Variants in TMEM232 observed in about 807,000 individuals in gnomAD.
TMEM232 encodes transmembrane protein 232.
A neutral mutation model predicts 78.8 loss-of-function variants in TMEM232; 80 were observed. The ratio of observed to expected loss-of-function variants is 1.01; its 90% CI spans 0.85 to 1.22. The LOEUF (loss-of-function observed/expected upper bound fraction) is 1.22, where lower values mean the gene tolerates loss of function less well. TMEM232 is among the 50% of genes most tolerant of loss of function. The pLI is 0.00. For missense variants in TMEM232, 881 were observed against 742.2 expected (o/e 1.19, Z -2.17); for synonymous variants, 297 against 254.3 (o/e 1.17, Z -1.60).
chr5:110,553,078 T>C (rs1381346788), intron 11 of TMEM232, among the ~76,000 whole-genome samples: 1 of 152,084 alleles, frequency 6.6e-6, no homozygotes, highest in Non-Finnish European at 1.5e-5. Context: ...GTTCTCTATC[T>C]TGTTCCATTG....
At chr5:110,615,738 A>G (rs551151420) in intron 8 of TMEM232, among the ~76,000 whole-genome samples, 1 of 152,082 alleles carries the variant, frequency 6.6e-6, no homozygotes, top group African/African-American at 2.4e-5. Context: ...AAAACCCTAA[A>G]ATGTTTATAA....
At chr5:110,652,403 C>T (rs116464807) in intron 2 of TMEM232, among the ~76,000 whole-genome samples, 1,783 of 151,990 alleles carry the variant, frequency 0.012, 46 homozygotes, top group African/African-American at 0.04. Context: ...CTAGGGAAAA[C>T]ATAGTTATGT....
In TMEM232 at chr5:110,482,591, T is replaced by TTATA. The variant is rs56779127; in HGVS notation, c.1703+45993_1703+45996dup. 7.5e-5 allele frequency among the ~76,000 whole-genome samples: 11 copies of TTATA among 147,418 alleles called. No homozygotes were observed. In the East Asian group the frequency reaches 7.9e-4, roughly 11 times the overall value. Reference sequence around the variant, plus strand: ...AGTGAAACTCCATCTCAAAAAAAATTTATATATATATATATATTATTTTTA... The same window carrying TTATA: ...AGTGAAACTCCATCTCAAAAAAAATTTATATATATATATATATATATTATTTTTA... On this transcript the variant is annotated intron_variant, in intron 12 of 13. Transcript: ENST00000455884.
At chr5:110,480,467 T>C (rs147576162) in intron 12 of TMEM232, among the ~76,000 whole-genome samples, 1 of 152,162 alleles carries the variant, frequency 6.6e-6, no homozygotes, top group African/African-American at 2.4e-5. Context: ...TTATTGACCA[T>C]ACCTGAGTAA....
At chr5:110,462,405 C>T (rs1231685667) in intron 12 of TMEM232, among the ~76,000 whole-genome samples, 1 of 152,130 alleles carries the variant, frequency 6.6e-6, no homozygotes, top group African/African-American at 2.4e-5. Context: ...AGGCAGACCC[C>T]CCTCAATCTG....
intron 1 of TMEM232, chr5:110,720,755 A>G (rs1797507173): frequency 6.6e-6 from 1 of 152,142 alleles, no homozygotes; most frequent in Non-Finnish European, 1.5e-5. Context: ...CGCTTTCTGG[A>G]CTAGAAGCTT....
At chr5:110,667,194 T>G (rs1165497918) in intron 2 of TMEM232, 34 bp downstream of exon 2, 4 of 1,481,588 alleles carry the variant, frequency 2.7e-6, no homozygotes, top group Non-Finnish European at 1.8e-6. Flanking sequence ...TTCTCTACAA[T>G]ACATATGGGT....
intron 2 of TMEM232, among the ~76,000 whole-genome samples, chr5:110,401,521 G>A (rs1755596180): frequency 6.6e-6 from 1 of 151,990 alleles, no homozygotes; most frequent in South Asian, 2.1e-4. Flanking sequence ...GGGTCCTGCA[G>A]GATCCCATTA....
At chr5:110,635,549 T>C (rs913989906) in intron 5 of TMEM232, among the ~76,000 whole-genome samples, 3 of 151,974 alleles carry the variant, frequency 2.0e-5, no homozygotes, top group Non-Finnish European at 4.4e-5. Flanking sequence ...TCAATAAACA[T>C]GATAAATCAC....
intron 12 of TMEM232, among the ~76,000 whole-genome samples, chr5:110,466,814 G>C (rs313602): frequency 3.1e-4 from 47 of 151,224 alleles, no homozygotes; most frequent in African/African-American, 1.1e-3. Context: ...ACGGGGTTTC[G>C]CTGTATTAGC....
chr5:110,391,106 A>G (rs1167699578), intron 3 of TMEM232, among the ~76,000 whole-genome samples: 1 of 152,092 alleles, frequency 6.6e-6, no homozygotes, highest in Non-Finnish European at 1.5e-5. Context: ...GCTTTATTTT[A>G]TTCCCTCTGT....
At chr5:110,528,977 T>TA (rs1332166916) in intron 11 of TMEM232, 142 bp from the exon 12 acceptor site, 2 of 924,022 alleles carry the variant, frequency 2.2e-6, no homozygotes, top group Non-Finnish European at 1.4e-6. Context: ...ATAATCTTTA[T>TA]AAAAAAATTG....
intron 10 of TMEM232, among the ~76,000 whole-genome samples, chr5:110,601,795 C>T (rs1285284348): frequency 1.3e-5 from 2 of 152,128 alleles, no homozygotes; most frequent in African/African-American, 4.8e-5. Flanking sequence ...TAAAAAACTA[C>T]ATTAAATTTC....
intron 1 of TMEM232, among the ~76,000 whole-genome samples, chr5:110,683,466 C>G (rs1215510540): frequency 6.6e-6 from 1 of 151,128 alleles, no homozygotes; most frequent in Admixed American, 6.6e-5. Context: ...GTTTAAACAA[C>G]CAAAAAAATA....
intron 2 of TMEM232, among the ~76,000 whole-genome samples, chr5:110,412,200 AC>A (rs1349650768): frequency 6.6e-6 from 1 of 152,214 alleles, no homozygotes; most frequent in African/African-American, 2.4e-5. Context: ...AACATTAAAA[AC>A]ATAAGTCAAT....
At chr5:110,569,116 T>C (rs914136169) in intron 10 of TMEM232, among the ~76,000 whole-genome samples, 1 of 151,852 alleles carries the variant, frequency 6.6e-6, no homozygotes, top group South Asian at 2.1e-4. Context: ...ACTACTGTTA[T>C]AATTATAAGG....
chr5:110,715,514 G>A (rs973666003), intron 1 of TMEM232, among the ~76,000 whole-genome samples: 2 of 152,120 alleles, frequency 1.3e-5, no homozygotes, highest in Non-Finnish European at 2.9e-5. Flanking sequence ...TAGAAAGTTA[G>A]GAAGCTTCTT....
chr5:110,484,103 C>T (rs1764206348), intron 12 of TMEM232, among the ~76,000 whole-genome samples: 1 of 152,010 alleles, frequency 6.6e-6, no homozygotes. Flanking sequence ...TAAGTGGGAG[C>T]TAAACATTAA....
chr5:110,501,832 A>G (rs1306033998), intron 12 of TMEM232, among the ~76,000 whole-genome samples: 4 of 152,182 alleles, frequency 2.6e-5, no homozygotes, highest in African/African-American at 7.2e-5. Flanking sequence ...TGTGGAAAAC[A>G]AGCACCATCA....
Sources: allele counts gnomAD v4.1 joint callset (sites outside exome capture counted in the v4.1 genomes callset), GRCh38; gene constraint gnomAD v4.1.1; transcripts MANE v1.5; gene names NCBI Gene and HGNC (gene_info 2026-07-23, HGNC 2026-07-21).